DYNC2H1: variants seen among roughly 807,000 people sequenced by gnomAD.
DYNC2H1 encodes the protein cytoplasmic dynein 2 heavy chain 1.
Under a neutral mutation model 570.0 loss-of-function variants are expected in DYNC2H1, and 410 were observed. The ratio of observed to expected loss-of-function variants is 0.72; its 90% CI spans 0.66 to 0.78. The LOEUF (loss-of-function observed/expected upper bound fraction) is 0.78, where lower values mean the gene tolerates loss of function less well. Among genes scored for constraint, DYNC2H1 ranks in the 30% least tolerant of loss-of-function variants. The pLI, the probability that DYNC2H1 is intolerant of heterozygous loss-of-function variation, is 0.00. For synonymous variants in DYNC2H1, 1,688 were observed against 1,677.6 expected (o/e 1.01, Z -0.15); for missense variants, 4,865 against 5,046.4 (o/e 0.96, Z 1.09).
chr11:103,204,903 C>T lies in DYNC2H1; in HGVS notation c.8393C>T (p.Ala2798Val). Residue 2798 changes from alanine to valine, a missense_variant, in exon 52 of 89, where the codon GCT becomes GTT. Ala to Val is a moderately conservative substitution (Grantham distance 64). Transcript: ENST00000375735. This position sits in a 1 kb window ranked among gnomAD's most constrained non-coding sequence, Gnocchi z 4.1. The part of the protein sequence containing the change: ...NFMINCESNP[A>V]LHKKCQVLWM... ...ATGATAAACTGTGAGAGTAATCCAG[C>T]TTTGCATAAGAAATGCCAGGTGTTG... is the stretch of plus-strand genomic sequence containing the variant. 6.3e-7 allele frequency: 1 copy of T among 1,594,248 alleles called. No homozygotes were observed. Among genetic ancestry groups the T allele is most frequent in the Non-Finnish European group, 8.6e-7 (1 of 1,169,136 alleles).
At position 103,324,501 on chromosome 11, in the gene DYNC2H1, T is replaced by C. The variant is rs1938368619; in HGVS notation, c.12039+511T>C. On this transcript the variant is annotated intron_variant, in intron 82 of 88. Coordinates refer to ENST00000375735, the MANE Select transcript of DYNC2H1 (RefSeq NM_001377.3). This position sits in a 1 kb window ranked among gnomAD's most constrained non-coding sequence, Gnocchi z 5.2. ...TCCATCCTTGCTGTGAAGGACATGG[T>C]CTTGCTCCAGCTCCTTCACTTCCTT... Among the ~76,000 whole-genome samples, 1 of 152,222 alleles carries C rather than the reference T, an allele frequency of 6.6e-6. No homozygotes were observed. The highest frequency in any genetic ancestry group is 1.5e-5 in the Non-Finnish European group (1 of 68,034).
chr11:103,192,611 GCCTAA>G (rs1359532497), intron 47 of DYNC2H1, among the ~76,000 whole-genome samples: 1 of 152,046 alleles, frequency 6.6e-6, no homozygotes, highest in African/African-American at 2.4e-5. Flanking sequence ...ATGACCTTTT[GCCTAA>G]GAGCAATGGC....
intron 83 of DYNC2H1, among the ~76,000 whole-genome samples, chr11:103,379,698 A>G (rs1157527159): frequency 6.6e-6 from 1 of 152,182 alleles, no homozygotes; most frequent in Non-Finnish European, 1.5e-5. Context: ...AGCAAAGCAG[A>G]TCTTATTGTT....
At chr11:103,123,406 GC>G (rs1858824170) in intron 11 of DYNC2H1, among the ~76,000 whole-genome samples, 1 of 152,018 alleles carries the variant, frequency 6.6e-6, no homozygotes, top group African/African-American at 2.4e-5. Context: ...TCTTCATGGT[GC>G]CCCACGTAAT....
intron 83 of DYNC2H1, among the ~76,000 whole-genome samples, chr11:103,388,095 G>A (rs943316783): frequency 6.6e-6 from 1 of 152,174 alleles, no homozygotes; most frequent in Non-Finnish European, 1.5e-5. Context: ...ACCTTGGGAT[G>A]TATGGCCATT....
chr11:103,119,231 C>T (rs1272957886), intron 6 of DYNC2H1, among the ~76,000 whole-genome samples: 2 of 152,060 alleles, frequency 1.3e-5, no homozygotes, highest in Non-Finnish European at 2.9e-5. Context: ...TTATGTGTTT[C>T]AGTCCATTTT....
chr11:103,468,090 AG>A (rs1324378353), intron 87 of DYNC2H1, among the ~76,000 whole-genome samples: 1 of 152,228 alleles, frequency 6.6e-6, no homozygotes, highest in Non-Finnish European at 1.5e-5. Flanking sequence ...ATCTACACCA[AG>A]GTTACCTTAA....
chr11:103,347,726 TTTAGTACTTTCTTTTACAC>T (rs1454953384), intron 82 of DYNC2H1, among the ~76,000 whole-genome samples: 5 of 152,164 alleles, frequency 3.3e-5, no homozygotes, highest in Non-Finnish European at 7.4e-5. Context: ...TCACCCACCT[TTTAGTACTTTCTTTTACAC>T]AGCTATTAGC....
chr11:103,262,667 T>A (rs955984329), intron 70 of DYNC2H1, among the ~76,000 whole-genome samples: 1 of 152,012 alleles, frequency 6.6e-6, no homozygotes, highest in African/African-American at 2.4e-5. Context: ...ATTTTGTCAC[T>A]ACCAGGCCTG....
rs367962354 is a variant in DYNC2H1, at chr11:103,475,684, T to A, written c.12766-3411T>A. Among the ~76,000 whole-genome samples the A allele has an allele frequency of 1.7e-4, 26 of 152,260 alleles. 1 individual carries two copies. The highest frequency in any genetic ancestry group is 1.0e-3 in the South Asian group (5 of 4,820). On this transcript the variant is annotated intron_variant, in intron 88 of 88. Transcript: ENST00000375735. ...AACACTGTAGGTTTTGAAAGAAAGA[T>A]TTGTACCCTGGCTGTAAGACAAACA...
chr11:103,215,994 G>A, intron 55 of DYNC2H1, 136 bp downstream of exon 55: 1 of 1,136,508 alleles, frequency 8.8e-7, no homozygotes, highest in Non-Finnish European at 1.2e-6. Context: ...CTGATATTAT[G>A]TCCTTAAGCT....
At chr11:103,473,717 G>C (rs920287712) in intron 88 of DYNC2H1, among the ~76,000 whole-genome samples, 1 of 152,152 alleles carries the variant, frequency 6.6e-6, no homozygotes, top group African/African-American at 2.4e-5. Flanking sequence ...CAGTCTCAGT[G>C]ATGCCCTTCT....
intron 84 of DYNC2H1, among the ~76,000 whole-genome samples, chr11:103,428,210 TGAAA>T (rs1943746788): frequency 6.7e-6 from 1 of 148,192 alleles, no homozygotes; most frequent in African/African-American, 2.5e-5. Flanking sequence ...TCAGAATATC[TGAAA>T]GAGAGGAGTA....
chr11:103,282,548 A>G (rs543516162), intron 72 of DYNC2H1, among the ~76,000 whole-genome samples: 12 of 151,708 alleles, frequency 7.9e-5, no homozygotes, highest in Non-Finnish European at 1.5e-4. Flanking sequence ...AATTTTTCTT[A>G]TATACTTGGA....
In DYNC2H1 at chr11:103,155,437, A is replaced by G; in HGVS notation, c.3680A>G (p.Lys1227Arg). ...LGLPRGTSLE[K>R]LLFGDLLRVA... ...CTTCCTAGGGGGACTAGTCTAGAGA[A>G]ACTACTGTTTGGTGATTTGCTCAGA... The change falls in exon 25 of 89, where the codon AAA becomes AGA. Residue 1227 changes from lysine (K) to arginine (R), a missense_variant. Lys to Arg is a conservative substitution (Grantham distance 26). Around this residue, in one of 5 missense-constraint regions of DYNC2H1, gnomAD observed 1,936 missense variants for 1,962.1 expected, o/e 0.99. Coordinates refer to ENST00000375735, the MANE Select transcript of DYNC2H1 (RefSeq NM_001377.3). 6.2e-7 allele frequency: 1 copy of G among 1,612,634 alleles called. No homozygotes were observed. The highest frequency in any genetic ancestry group is 8.5e-7 in the Non-Finnish European group (1 of 1,179,166).
chr11:103,423,435 A>T (rs894812272), intron 84 of DYNC2H1, among the ~76,000 whole-genome samples: 17 of 135,734 alleles, frequency 1.3e-4, no homozygotes, highest in African/African-American at 4.8e-4. Context: ...AAAAAAAAAA[A>T]AAACCCTGCA....
chr11:103,219,163 T>G (rs1430977653), intron 55 of DYNC2H1, among the ~76,000 whole-genome samples: 1 of 152,198 alleles, frequency 6.6e-6, no homozygotes, highest in Non-Finnish European at 1.5e-5. Context: ...GAAGCTGAAG[T>G]TGGGGGGACC....
rs1042011738 is a variant in DYNC2H1, at chr11:103,235,750, G to C, written c.9646G>C (p.Ala3216Pro). The change falls in exon 62 of 89, where the codon GCT becomes CCT. Residue 3216 changes from alanine to proline, a missense_variant. Ala to Pro is a conservative substitution (Grantham distance 27). Coordinates refer to ENST00000375735, the MANE Select transcript of DYNC2H1 (RefSeq NM_001377.3). Reference sequence around the variant, plus strand: ...TGCTGCATTTATTACATATCTTTCTGCTGCTCCTGAATCTCTGAGAAAAAC... The same window carrying C: ...TGCTGCATTTATTACATATCTTTCTCCTGCTCCTGAATCTCTGAGAAAAAC... ...LAAAFITYLS[A>P]APESLRKTCL... The C allele has an allele frequency of 6.2e-7, 1 of 1,611,664 alleles. No homozygotes were observed. The highest frequency in any genetic ancestry group is 1.1e-5 in the South Asian group (1 of 90,962).
At chr11:103,147,735 T>C in intron 18 of DYNC2H1, 37 bp from the exon 19 acceptor site, 1 of 1,323,766 alleles carries the variant, frequency 7.6e-7, no homozygotes, top group Non-Finnish European at 1.1e-6. Flanking sequence ...CTAATTAGTC[T>C]TTTCCATGTC....
Sources: gnomAD v4.1 joint callset for allele counts (sites outside exome capture counted in the v4.1 genomes callset) on GRCh38, gnomAD v4.1.1 for gene constraint, gnomAD v4.1.1 regional missense constraint, Gnocchi (gnomAD v3.1) non-coding constraint, MANE v1.5 for transcripts, NCBI Gene and HGNC (gene_info 2026-07-23, HGNC 2026-07-21) for gene names.